Variants in VTA1 observed in about 807,000 individuals in gnomAD.
VTA1 encodes the protein vesicle trafficking 1.
VTA1 carries 24 observed loss-of-function variants against 36.9 expected under a neutral mutation model. The observed-to-expected ratio is 0.65, with a 90% CI of 0.47 to 0.91. The LOEUF (loss-of-function observed/expected upper bound fraction) is 0.91, where lower values mean the gene tolerates loss of function less well. Ranked by LOEUF, VTA1 falls within the 40% of genes least tolerant of loss-of-function variation. VTA1 has a pLI of 0.00. For synonymous variants in VTA1, 142 were observed against 130.2 expected, an observed-to-expected ratio of 1.09 and a Z score of -0.62; for missense variants, 393 against 377.2, an observed-to-expected ratio of 1.04 and a Z score of -0.35.
intron 1 of VTA1, among the ~76,000 whole-genome samples, chr6:142,159,478 GTATTATTATTATTATTATTATTATTAT>G (rs199893577): frequency 0.022 from 2,932 of 134,830 alleles, 123 homozygotes; most frequent in African/African-American, 0.074. Flanking sequence ...TTCATTTCAG[GTATTATTATTATTATTATTATTATTAT>G]TATTATTATT....
intron 1 of VTA1, among the ~76,000 whole-genome samples, chr6:142,152,951 T>C (rs916793011): frequency 6.6e-6 from 1 of 152,162 alleles, no homozygotes; most frequent in Non-Finnish European, 1.5e-5. Context: ...TTAATTTGAC[T>C]AACTTACTGA....
At chr6:142,216,410 T>C (rs1776005579) in intron 7 of VTA1, among the ~76,000 whole-genome samples, 1 of 152,162 alleles carries the variant, frequency 6.6e-6, no homozygotes, top group South Asian at 2.1e-4. Flanking sequence ...TGTTACAAAA[T>C]AGCATGTAAC....
chr6:142,207,879 T>C (rs1775824825), intron 7 of VTA1, among the ~76,000 whole-genome samples: 1 of 149,806 alleles, frequency 6.7e-6, no homozygotes, highest in Non-Finnish European at 1.5e-5. Flanking sequence ...AGGTCAGGAG[T>C]TCAAGAGCAG....
intron 7 of VTA1, among the ~76,000 whole-genome samples, chr6:142,208,350 T>C (rs1376234435): frequency 6.6e-6 from 1 of 151,346 alleles, no homozygotes; most frequent in Non-Finnish European, 1.5e-5. Flanking sequence ...AAGAAAAAAA[T>C]CAGTGAGCTC....
chr6:142,147,961 C>G (rs1778487601), intron 1 of VTA1, among the ~76,000 whole-genome samples: 1 of 152,154 alleles, frequency 6.6e-6, no homozygotes, highest in Non-Finnish European at 1.5e-5. Flanking sequence ...TTAGTTTTGA[C>G]TTCTTTGAAT....
intron 4 of VTA1, among the ~76,000 whole-genome samples, chr6:142,179,890 A>G (rs940135721): frequency 5.3e-5 from 8 of 152,198 alleles, no homozygotes; most frequent in Non-Finnish European, 1.0e-4. Flanking sequence ...ATGATTAAAT[A>G]TATTGAGGGA....
chr6:142,171,837 CAG>C (rs997849928), intron 4 of VTA1, among the ~76,000 whole-genome samples: 4 of 151,974 alleles, frequency 2.6e-5, no homozygotes, highest in Admixed American at 6.5e-5. Context: ...CCAAACAAAA[CAG>C]AGTACAATCA....
At chr6:142,157,322 T>C (rs1183451414) in intron 1 of VTA1, among the ~76,000 whole-genome samples, 1 of 152,238 alleles carries the variant, frequency 6.6e-6, no homozygotes, top group Non-Finnish European at 1.5e-5. Flanking sequence ...GACTAGAGTC[T>C]ATAGTCTTAT....
chr6:142,172,302 T>A (rs1775042636), intron 4 of VTA1, among the ~76,000 whole-genome samples: 1 of 152,186 alleles, frequency 6.6e-6, no homozygotes. Context: ...AGCTACCAAG[T>A]CCAGCCAGGA....
chr6:142,183,528 C>A (rs1408265606), intron 4 of VTA1, among the ~76,000 whole-genome samples: 1 of 152,118 alleles, frequency 6.6e-6, no homozygotes, highest in African/African-American at 2.4e-5. Context: ...CCAAAATTTG[C>A]AGTTGTCAGT....
At chr6:142,152,287 T>C (rs908457882) in intron 1 of VTA1, among the ~76,000 whole-genome samples, 8 of 152,168 alleles carry the variant, frequency 5.3e-5, no homozygotes, top group Non-Finnish European at 1.0e-4. Context: ...ACAAATCCTT[T>C]TTAATTTTTA....
chr6:142,172,563 A>T (rs1775048021), intron 4 of VTA1, among the ~76,000 whole-genome samples: 1 of 152,126 alleles, frequency 6.6e-6, no homozygotes, highest in African/African-American at 2.4e-5. Flanking sequence ...CTGAACTATT[A>T]CTCAATGGGT....
At chr6:142,158,956 T>C (rs140235364) in intron 1 of VTA1, among the ~76,000 whole-genome samples, 43 of 152,280 alleles carry the variant, frequency 2.8e-4, no homozygotes, top group African/African-American at 8.9e-4. Flanking sequence ...ATAAACCTTA[T>C]ATATTTTTTA....
intron 1 of VTA1, among the ~76,000 whole-genome samples, chr6:142,159,760 A>G (rs1774759724): frequency 6.6e-6 from 1 of 151,530 alleles, no homozygotes; most frequent in Non-Finnish European, 1.5e-5. Context: ...TGATCCACCC[A>G]CCTCGGCCTC....
Position 142,189,620 on chromosome 6 carries a change from AC to A in VTA1, c.520+87del, listed in dbSNP as rs1295765220. On this transcript the variant is annotated intron_variant, in intron 5 of 7. Transcript: ENST00000367630. ...ACTCAAAGTTTTTGGAGGGAACAAT[AC>A]AGTTTTGTTTTCATCAGGCCCAGAA... 53 of 1,049,636 alleles carry A rather than the reference AC, an allele frequency of 5.0e-5. No homozygotes were observed. The East Asian group carries it at 1.2e-3, about 24-fold the overall frequency. 65.0% of individuals were successfully genotyped at this position (1,049,636 alleles called of 1,614,324 possible).
At chr6:142,208,170 A>G (rs1258907286) in intron 7 of VTA1, among the ~76,000 whole-genome samples, 1 of 152,098 alleles carries the variant, frequency 6.6e-6, no homozygotes, top group African/African-American at 2.4e-5. Context: ...CTTCAGAATA[A>G]CAATTTTAAG....
intron 5 of VTA1, 103 bp downstream of exon 5, chr6:142,189,637 A>G: frequency 1.2e-6 from 1 of 802,060 alleles, no homozygotes; most frequent in South Asian, 2.0e-5. Context: ...TGTTTTCATC[A>G]GGCCCAGAAT....
At chr6:142,201,399 G>A (rs754053305) in intron 6 of VTA1, among the ~76,000 whole-genome samples, 87 of 151,942 alleles carry the variant, frequency 5.7e-4, no homozygotes, top group Non-Finnish European at 9.7e-4. Flanking sequence ...GCAGTTTTTA[G>A]TTCTTCCACA....
chr6:142,174,959 G>A (rs752748441), intron 4 of VTA1, among the ~76,000 whole-genome samples: 11 of 152,128 alleles, frequency 7.2e-5, no homozygotes, highest in Non-Finnish European at 1.3e-4. Context: ...TGCAGCCTGC[G>A]GAATGTGAAG....
Sources: allele counts gnomAD v4.1 joint callset (sites outside exome capture counted in the v4.1 genomes callset), GRCh38; gene constraint gnomAD v4.1.1; transcripts MANE v1.5; gene names NCBI Gene and HGNC (gene_info 2026-07-23, HGNC 2026-07-21).